Variants in GRIK1 observed in about 807,000 individuals in gnomAD.
GRIK1 encodes the protein glutamate receptor ionotropic, kainate 1.
Under a neutral mutation model 105.7 loss-of-function variants are expected in GRIK1, and 69 were observed. The ratio of observed to expected loss-of-function variants is 0.65; its 90% CI spans 0.54 to 0.80. The LOEUF (loss-of-function observed/expected upper bound fraction) is 0.80. GRIK1 is among the 30% of genes least tolerant of loss of function. The probability of loss-of-function intolerance (pLI) is 0.00; values close to 1 mark genes in which losing one functional copy is unlikely to be tolerated. For missense variants in GRIK1, 1,109 were observed against 1,167.3 expected (o/e 0.95, Z 0.73); for synonymous variants, 438 against 431.3 (o/e 1.02, Z -0.19).
chr21:29,588,802 G>A (rs1601194867), intron 11 of GRIK1, 37 bp downstream of exon 11: 1 of 1,056,436 alleles, frequency 9.5e-7, no homozygotes, highest in Non-Finnish European at 1.5e-6. Flanking sequence ...TTTCTCTTAT[G>A]CATATTTTCA....
At chr21:29,549,927 C>T (rs1381201675) in intron 16 of GRIK1, among the ~76,000 whole-genome samples, 2 of 151,208 alleles carry the variant, frequency 1.3e-5, no homozygotes, top group Admixed American at 6.6e-5. Context: ...GCCAACATGG[C>T]GAAACTCCTG....
chr21:29,764,266 T>C (rs773977120), intron 1 of GRIK1, among the ~76,000 whole-genome samples: 1 of 152,198 alleles, frequency 6.6e-6, no homozygotes, highest in Non-Finnish European at 1.5e-5. Context: ...GATTAAATAC[T>C]ACTTTCAGTT....
intron 1 of GRIK1, among the ~76,000 whole-genome samples, chr21:29,789,510 C>G (rs2066353509): frequency 6.6e-6 from 1 of 152,186 alleles, no homozygotes; most frequent in South Asian, 2.1e-4. Flanking sequence ...CCCCACTCCC[C>G]CATACCTGGC....
chr21:29,939,300 C>A, intron 1 of GRIK1, 83 bp downstream of exon 1: 1 of 805,730 alleles, frequency 1.2e-6, no homozygotes, highest in Non-Finnish European at 2.0e-6. Flanking sequence ...CCGCCGCGCG[C>A]TGCCTCGCCC....
At chr21:29,841,452 A>G (rs746645969) in intron 1 of GRIK1, among the ~76,000 whole-genome samples, 1 of 152,162 alleles carries the variant, frequency 6.6e-6, no homozygotes, top group Non-Finnish European at 1.5e-5. Context: ...AATACTTCTG[A>G]TACATTCTAA....
chr21:29,810,042 A>G (rs1447666067), intron 1 of GRIK1, among the ~76,000 whole-genome samples: 1 of 152,172 alleles, frequency 6.6e-6, no homozygotes, highest in Non-Finnish European at 1.5e-5. Flanking sequence ...TCATGCCTGT[A>G]ATCCCAGCAC....
intron 1 of GRIK1, among the ~76,000 whole-genome samples, chr21:29,820,637 G>A (rs2067274922): frequency 6.8e-6 from 1 of 146,512 alleles, no homozygotes; most frequent in Non-Finnish European, 1.5e-5. Context: ...TTGCTTGTAG[G>A]AAAATTTTAG....
At chr21:29,868,471 CT>C (rs1031618235) in intron 1 of GRIK1, among the ~76,000 whole-genome samples, 2 of 152,120 alleles carry the variant, frequency 1.3e-5, no homozygotes, top group African/African-American at 4.8e-5. Context: ...GTGATGCATT[CT>C]TTTTCCCATA....
At chr21:29,688,041 T>G (rs2063517745) in intron 3 of GRIK1, among the ~76,000 whole-genome samples, 1 of 152,214 alleles carries the variant, frequency 6.6e-6, no homozygotes, top group African/African-American at 2.4e-5. Flanking sequence ...CACTTATGTT[T>G]AAAACATGAT....
intron 6 of GRIK1, among the ~76,000 whole-genome samples, 188 bp downstream of exon 6, chr21:29,650,930 A>C (rs2832424): frequency 0.055 from 8,385 of 152,272 alleles, 292 homozygotes; most frequent in Admixed American, 0.1. Context: ...AGGAAGCTAA[A>C]AGTAGCAGTT....
At chr21:29,879,724 G>A (rs2069329737) in intron 1 of GRIK1, among the ~76,000 whole-genome samples, 1 of 152,052 alleles carries the variant, frequency 6.6e-6, no homozygotes, top group Admixed American at 6.6e-5. Context: ...AGGAAAAACG[G>A]TAGCTCTTTA....
chr21:29,829,915 C>T (rs762158010), intron 1 of GRIK1, among the ~76,000 whole-genome samples: 1 of 151,994 alleles, frequency 6.6e-6, no homozygotes, highest in Non-Finnish European at 1.5e-5. Flanking sequence ...ATTGGTTCTC[C>T]AGCTTCCACC....
intron 16 of GRIK1, among the ~76,000 whole-genome samples, chr21:29,541,836 A>G (rs2089978097): frequency 6.6e-6 from 1 of 152,058 alleles, no homozygotes. Context: ...AGGCACTCCA[A>G]CATCAGAAGG....
chr21:29,903,058 T>C (rs1309029579), intron 1 of GRIK1, among the ~76,000 whole-genome samples: 7 of 152,064 alleles, frequency 4.6e-5, no homozygotes, highest in South Asian at 4.1e-4. Context: ...ATAAATGATA[T>C]TGGGAAAACT....
At chr21:29,867,570 G>C (rs2068841014) in intron 1 of GRIK1, among the ~76,000 whole-genome samples, 1 of 152,062 alleles carries the variant, frequency 6.6e-6, no homozygotes, top group Admixed American at 6.6e-5. Flanking sequence ...TGAGGCAGTT[G>C]AATCACCTGA....
At chr21:29,817,462 G>A (rs1194833325) in intron 1 of GRIK1, among the ~76,000 whole-genome samples, 2 of 152,036 alleles carry the variant, frequency 1.3e-5, no homozygotes, top group Non-Finnish European at 2.9e-5. Context: ...ACCATTCACT[G>A]CCTTGCAAGA....
chr21:29,894,791 T>A (rs1021465293), intron 1 of GRIK1, among the ~76,000 whole-genome samples: 1 of 152,202 alleles, frequency 6.6e-6, no homozygotes, highest in East Asian at 1.9e-4. Flanking sequence ...CAAAAATTGA[T>A]GAGTGCCCCC....
intron 7 of GRIK1, among the ~76,000 whole-genome samples, chr21:29,599,882 C>T (rs781265511): frequency 6.6e-6 from 1 of 152,174 alleles, no homozygotes; most frequent in African/African-American, 2.4e-5. Flanking sequence ...GGGCGGAGAT[C>T]GAGACCATCC....
intron 1 of GRIK1, among the ~76,000 whole-genome samples, chr21:29,880,280 A>G (rs1032956952): frequency 2.0e-5 from 3 of 152,106 alleles, no homozygotes; most frequent in Admixed American, 6.6e-5. Flanking sequence ...CATTAGAAAA[A>G]TCTTTACCAA....
Sources: gnomAD v4.1 joint callset for allele counts (sites outside exome capture counted in the v4.1 genomes callset) on GRCh38, gnomAD v4.1.1 for gene constraint, MANE v1.5 for transcripts, NCBI Gene and HGNC (gene_info 2026-07-23, HGNC 2026-07-21) for gene names.